The following CACNA1A variants were observed in gnomAD, a reference collection of about 807,000 sequenced individuals.
CACNA1A encodes the protein calcium voltage-gated channel subunit alpha1 A, also known as voltage-dependent P/Q-type calcium channel subunit alpha-1A.
A neutral mutation model predicts 262.4 loss-of-function variants in CACNA1A; 57 were observed. The ratio of observed to expected loss-of-function variants is 0.22; its 90% confidence interval spans 0.18 to 0.27. The LOEUF (loss-of-function observed/expected upper bound fraction) is 0.27. Among genes scored for constraint, CACNA1A ranks in the 10% least tolerant of loss-of-function variants. The pLI, the probability that CACNA1A is intolerant of heterozygous loss-of-function variation, is 1.00. For missense variants in CACNA1A, 2,526 were observed against 3,562.8 expected (o/e 0.71, Z 7.41); for synonymous variants, 1,431 against 1,419.3 (o/e 1.01, Z -0.18).
At chr19:13,408,364 C>T (rs62111206) in intron 3 of CACNA1A, among the ~76,000 whole-genome samples, 10,632 of 151,912 alleles carry the variant, frequency 0.07, 606 homozygotes, top group East Asian at 0.26. Context: ...AGTGAGACCC[C>T]GTTTCAAAAA....
Position 13,336,594 on chromosome 19 carries a change from G to GGAGAGAGAGAGA in CACNA1A, c.979-697_979-686dup, listed in dbSNP as rs547329827. Among the ~76,000 whole-genome samples, 81 of 65,500 alleles carry GGAGAGAGAGAGA rather than the reference G, an allele frequency of 1.2e-3. 5 individuals carry two copies. Among genetic ancestry groups the GGAGAGAGAGAGA allele is most frequent in the African/African-American group, 1.8e-3 (36 of 19,538 alleles). 43.0% of individuals were successfully genotyped at this position (65,500 alleles called of 152,430 possible). ...GAGAAAGAGAGACAGAGAGAGAGAG[G>GGAGAGAGAGAGA]GAGAGAGAGAGAGAGAGAGAGAGAG... On this transcript the variant is annotated intron_variant, in intron 6 of 46. Transcript: ENST00000360228.
intron 3 of CACNA1A, among the ~76,000 whole-genome samples, chr19:13,387,042 C>G (rs957725470): frequency 6.6e-6 from 1 of 151,954 alleles, no homozygotes; most frequent in Admixed American, 6.5e-5. Context: ...ACTTCCACCT[C>G]CTGGGTTCAA....
Position 13,214,707 on chromosome 19 carries a change from A to C in CACNA1A, c.5732-99T>G. The C allele has an allele frequency of 1.1e-6, 1 of 893,530 alleles. No individual in the cohort carries two copies. Among genetic ancestry groups the C allele is most frequent in the Non-Finnish European group, 1.8e-6 (1 of 561,240 alleles). 55.4% of individuals were successfully genotyped at this position (893,530 alleles called of 1,614,324 possible). A position where few individuals can be genotyped will look rare whatever the true frequency, so the allele number is the denominator to read the frequency against. ...ATAGGCTCCCGAGAACGAGACCCCA[A>C]TCTTTCTGGTCCCCATGGGGTCTCC... On this transcript the variant is annotated intron_variant, in intron 38 of 46. Coordinates refer to ENST00000360228, the MANE Select transcript of CACNA1A (RefSeq NM_001127222.2). This position sits in a 1 kb window ranked among gnomAD's most constrained non-coding sequence, Gnocchi z 4.1.
At chr19:13,369,588 A>T (rs1337046468) in intron 4 of CACNA1A, among the ~76,000 whole-genome samples, 1 of 152,214 alleles carries the variant, frequency 6.6e-6, no homozygotes, top group East Asian at 1.9e-4. Context: ...ATACGATTAG[A>T]TGAGAGAGTT....
intron 3 of CACNA1A, among the ~76,000 whole-genome samples, chr19:13,422,670 G>T (rs1435389632): frequency 1.3e-5 from 2 of 152,200 alleles, no homozygotes; most frequent in Non-Finnish European, 2.9e-5. Context: ...GGGACACACG[G>T]TATCAGTTTG....
chr19:13,248,313 T>G (rs2056302915), intron 30 of CACNA1A, among the ~76,000 whole-genome samples: 1 of 147,048 alleles, frequency 6.8e-6, no homozygotes, highest in Non-Finnish European at 1.5e-5. Flanking sequence ...TGGTGGCTCA[T>G]GCCTATAATT....
At position 13,287,131 on chromosome 19, in the gene CACNA1A, T is replaced by C. The variant is rs12975522; in HGVS notation, c.3090-165A>G. Among the ~76,000 whole-genome samples the C allele has an allele frequency of 0.27, 41,122 of 152,094 alleles. 6,310 individuals are homozygous for C. Among genetic ancestry groups the C allele is most frequent in the East Asian group, 0.61 (3,163 of 5,156 alleles). ...CTTTGGGAAGCGGAGGCAGGAGGAT[T>C]GCTTAAGGCCAGGAGTTCAAGACCA... On this transcript the variant is annotated intron_variant, in intron 19 of 46. Coordinates refer to ENST00000360228, the MANE Select transcript of CACNA1A (RefSeq NM_001127222.2).
intron 1 of CACNA1A, among the ~76,000 whole-genome samples, chr19:13,457,322 G>T (rs2061031649): frequency 6.6e-6 from 1 of 152,022 alleles, no homozygotes; most frequent in Admixed American, 6.6e-5. Flanking sequence ...ACCATTCCTT[G>T]GTTCCTCAAA....
chr19:13,367,938 T>C (rs2059246601), intron 4 of CACNA1A, among the ~76,000 whole-genome samples: 2 of 152,148 alleles, frequency 1.3e-5, no homozygotes, highest in African/African-American at 4.8e-5. Context: ...CTTCAAATCC[T>C]TTTGGGAGAG....
At chr19:13,232,469 C>A (rs879851886) in intron 34 of CACNA1A, among the ~76,000 whole-genome samples, 1 of 152,104 alleles carries the variant, frequency 6.6e-6, no homozygotes, top group Admixed American at 6.6e-5. Flanking sequence ...CGGTGGCTCA[C>A]ACCTGTAATC....
intron 11 of CACNA1A, 33 bp from the exon 12 acceptor site, chr19:13,312,814 T>G: frequency 3.6e-6 from 4 of 1,104,454 alleles, no homozygotes; most frequent in South Asian, 1.5e-5. Context: ...AGAGAGGAGG[T>G]TAGGCTTGCT....
intron 3 of CACNA1A, among the ~76,000 whole-genome samples, chr19:13,387,901 T>C (rs1187594694): frequency 6.6e-6 from 1 of 151,998 alleles, no homozygotes; most frequent in Non-Finnish European, 1.5e-5. Flanking sequence ...TGCAAATCAG[T>C]GAGAATAACA....
intron 22 of CACNA1A, among the ~76,000 whole-genome samples, chr19:13,280,821 G>A (rs948273844): frequency 1.3e-5 from 2 of 151,372 alleles, no homozygotes; most frequent in Non-Finnish European, 2.9e-5. Context: ...CCTGCCTGTA[G>A]TCCCAGCTAC....
At chr19:13,208,432 C>A (rs1002175142) in intron 46 of CACNA1A, among the ~76,000 whole-genome samples, 1 of 151,428 alleles carries the variant, frequency 6.6e-6, no homozygotes, top group Admixed American at 6.6e-5. Flanking sequence ...AAACAGAAGC[C>A]GGGTTAAAGG....
chr19:13,310,624 C>G (rs1326494682), intron 12 of CACNA1A, among the ~76,000 whole-genome samples: 2 of 149,098 alleles, frequency 1.3e-5, no homozygotes, highest in Non-Finnish European at 3.0e-5. Context: ...GGGTGAGATT[C>G]ATTCCTGTTG....
At chr19:13,296,756 T>C (rs2057674635) in intron 19 of CACNA1A, among the ~76,000 whole-genome samples, 1 of 126,740 alleles carries the variant, frequency 7.9e-6, no homozygotes, top group African/African-American at 2.6e-5. Flanking sequence ...TTTCTTTTTC[T>C]TTATTTTTTA....
chr19:13,241,395 G>C lies in CACNA1A; in HGVS notation c.4950+3787C>G. The C allele has an allele frequency of 1.4e-6, 1 of 712,800 alleles. No individual in the cohort carries two copies. The highest frequency in any genetic ancestry group is 2.5e-6 in the Non-Finnish European group (1 of 394,818). 44.2% of individuals were successfully genotyped at this position (712,800 alleles called of 1,614,324 possible). A position where few individuals can be genotyped will look rare whatever the true frequency, so the allele number is the denominator to read the frequency against. ...GAGGACAGACAGACAGAGGAGAGCG[G>C]AGGGTTGAGGAGAGCGTCAGGCATC... On this transcript the variant is annotated intron_variant, in intron 31 of 46. Coordinates refer to ENST00000360228, the MANE Select transcript of CACNA1A (RefSeq NM_001127222.2). The surrounding 1 kb of genome is among the most constrained non-coding windows in gnomAD (Gnocchi z 4.0).
At chr19:13,387,757 G>C (rs2059640478) in intron 3 of CACNA1A, among the ~76,000 whole-genome samples, 2 of 152,218 alleles carry the variant, frequency 1.3e-5, no homozygotes, top group Admixed American at 6.6e-5. Context: ...GTTGAGAAGT[G>C]GAGGCAGAGG....
At chr19:13,258,576 TA>T (rs1233110774) in intron 27 of CACNA1A, 1 of 152,158 alleles carries the variant, frequency 6.6e-6, no homozygotes, top group Non-Finnish European at 1.5e-5. Flanking sequence ...GAAAGGTGTT[TA>T]AAAAAACTTT....
Sources: gnomAD v4.1 joint callset for allele counts (sites outside exome capture counted in the v4.1 genomes callset) on GRCh38, gnomAD v4.1.1 for gene constraint, Gnocchi (gnomAD v3.1) non-coding constraint, MANE v1.5 for transcripts, NCBI Gene and HGNC (gene_info 2026-07-23, HGNC 2026-07-21) for gene names.